Variants in GALNT18 observed in about 807,000 individuals in gnomAD.
The protein encoded by GALNT18 is polypeptide N-acetylgalactosaminyltransferase 18, also known as GalNAc-transferase 18.
GALNT18 carries 44 observed loss-of-function variants against 69.5 expected under a neutral mutation model. That is an observed-to-expected ratio of 0.63 (90% confidence interval 0.50 to 0.81). The LOEUF (loss-of-function observed/expected upper bound fraction) is 0.81. Among genes scored for constraint, GALNT18 ranks in the 40% least tolerant of loss-of-function variants. GALNT18 has a pLI of 0.00. For synonymous variants in GALNT18, 364 were observed against 318.2 expected, an observed-to-expected ratio of 1.14 and a Z score of -1.53; for missense variants, 715 against 810.0, an observed-to-expected ratio of 0.88 and a Z score of 1.42.
At position 11,396,975 on chromosome 11, in the gene GALNT18, GTC is replaced by G. The variant is rs1394436189; in HGVS notation, c.596-17713_596-17712del. ...CTGTGCATCTTGGGGGTCTCTGGGAGTCAGAGGAAACCTAGGAGTCTTTTCCT... is the reference window on the plus strand; with the variant it reads ...CTGTGCATCTTGGGGGTCTCTGGGAGAGAGGAAACCTAGGAGTCTTTTCCT... On this transcript the variant is annotated intron_variant, in intron 3 of 10. Coordinates refer to ENST00000227756, the MANE Select transcript of GALNT18 (RefSeq NM_198516.3). The surrounding 1 kb of genome is among the most constrained non-coding windows in gnomAD (Gnocchi z 5.2). Among the ~76,000 whole-genome samples, 5 of 152,140 alleles carry G rather than the reference GTC, an allele frequency of 3.3e-5. No homozygotes were observed. Among genetic ancestry groups the G allele is most frequent in the Non-Finnish European group, 5.9e-5 (4 of 68,016 alleles).
intron 1 of GALNT18, among the ~76,000 whole-genome samples, chr11:11,484,285 G>A (rs1357575815): frequency 6.6e-6 from 1 of 151,952 alleles, no homozygotes; most frequent in East Asian, 1.9e-4. Flanking sequence ...TGAGCAATTT[G>A]CTTCATTTCA....
intron 10 of GALNT18, among the ~76,000 whole-genome samples, chr11:11,288,249 C>G (rs1468550635): frequency 6.6e-6 from 1 of 152,108 alleles, no homozygotes; most frequent in Non-Finnish European, 1.5e-5. Flanking sequence ...CCTACTTGTC[C>G]CATCAAAAAC....
rs1408563789 is a variant in GALNT18 at position 11,469,512 on chromosome 11, ACTT to A, written c.236-20579_236-20577del. ...TCCCTGGTCCCCTGACCCCTAATTCACTTCTTCTCTAAACCTCACTGGATCTGC... is the reference window on the plus strand; with the variant it reads ...TCCCTGGTCCCCTGACCCCTAATTCACTTCTCTAAACCTCACTGGATCTGC... On this transcript the variant is annotated intron_variant, in intron 1 of 10. Coordinates refer to ENST00000227756, the MANE Select transcript of GALNT18 (RefSeq NM_198516.3). The surrounding 1 kb of genome is among the most constrained non-coding windows in gnomAD (Gnocchi z 4.2). Among the ~76,000 whole-genome samples, 2 of 151,870 alleles carry A rather than the reference ACTT, an allele frequency of 1.3e-5. No homozygotes were observed. The highest frequency in any genetic ancestry group is 2.4e-5 in the African/African-American group (1 of 41,332).
intron 5 of GALNT18, among the ~76,000 whole-genome samples, chr11:11,374,136 T>TGG (rs1401357375): frequency 6.6e-6 from 1 of 152,174 alleles, no homozygotes; most frequent in African/African-American, 2.4e-5. Context: ...GCAGGCATCC[T>TGG]GGGAAGCTAA....
At chr11:11,291,352 C>T (rs2133002177) in intron 10 of GALNT18, among the ~76,000 whole-genome samples, 1 of 152,278 alleles carries the variant, frequency 6.6e-6, no homozygotes, top group East Asian at 1.9e-4. Context: ...TAATGACCAA[C>T]ATGAGCACCT....
chr11:11,277,339 T>G (rs1381633468), intron 10 of GALNT18, among the ~76,000 whole-genome samples: 3 of 152,226 alleles, frequency 2.0e-5, no homozygotes, highest in Non-Finnish European at 4.4e-5. Flanking sequence ...TGTATTTCTG[T>G]GGGATCAGTG....
Position 11,540,603 on chromosome 11 carries a change from C to A in GALNT18, c.235+80756G>T, listed in dbSNP as rs1301121013. 6.6e-6 allele frequency among the ~76,000 whole-genome samples: 1 copy of A among 152,178 alleles called. No homozygotes were observed. Among genetic ancestry groups the A allele is most frequent in the Non-Finnish European group, 1.5e-5 (1 of 68,026 alleles). The stretch of plus-strand genomic sequence containing the variant: ...TTGACCCTGAAAACTGATCCCTGAT[C>A]TTGCCTCTGCGAGTTTCCCTTGGCC... On this transcript the variant is annotated intron_variant, in intron 1 of 10. Transcript: ENST00000227756. The surrounding 1 kb of genome is among the most constrained non-coding windows in gnomAD (Gnocchi z 4.6).
chr11:11,279,128 T>A (rs988363624), intron 10 of GALNT18, among the ~76,000 whole-genome samples: 3 of 152,152 alleles, frequency 2.0e-5, no homozygotes. Flanking sequence ...AGCTGGTCAT[T>A]TAAAAGTGTG....
At position 11,505,136 on chromosome 11, in the gene GALNT18, A is replaced by C. The variant is rs1419527020; in HGVS notation, c.236-56200T>G. Among the ~76,000 whole-genome samples the C allele has an allele frequency of 6.6e-6, 1 of 152,198 alleles. No individual in the cohort carries two copies. On this transcript the variant is annotated intron_variant, in intron 1 of 10. Transcript: ENST00000227756. The surrounding 1 kb of genome is among the most constrained non-coding windows in gnomAD (Gnocchi z 4.6). The stretch of plus-strand genomic sequence containing the variant: ...GATGACATTTGAAGAGGGCTTGAAG[A>C]ATGAGTGGAGTTCAGTAGATGAACA...
At chr11:11,282,234 C>T (rs1343020520) in intron 10 of GALNT18, among the ~76,000 whole-genome samples, 3 of 152,176 alleles carry the variant, frequency 2.0e-5, no homozygotes, top group Admixed American at 6.5e-5. Context: ...GCCTTCCTTT[C>T]CCACACTCAG....
At chr11:11,608,576 T>G (rs1303872889) in intron 1 of GALNT18, among the ~76,000 whole-genome samples, 1 of 152,150 alleles carries the variant, frequency 6.6e-6, no homozygotes, top group Non-Finnish European at 1.5e-5. Context: ...TTGGTCAGGT[T>G]GGTCTCAAAC....
intron 10 of GALNT18, among the ~76,000 whole-genome samples, chr11:11,285,217 A>C (rs917432471): frequency 3.9e-5 from 6 of 152,060 alleles, no homozygotes; most frequent in Non-Finnish European, 8.8e-5. Flanking sequence ...AGGACAAGGG[A>C]CCATGGTATG....
intron 1 of GALNT18, among the ~76,000 whole-genome samples, chr11:11,467,136 C>T (rs900745984): frequency 6.6e-6 from 1 of 152,146 alleles, no homozygotes; most frequent in South Asian, 2.1e-4. Flanking sequence ...AGAAGATAGA[C>T]ATCACCGTGT....
Position 11,293,154 on chromosome 11 carries a change from T to C in GALNT18, c.1552A>G (p.Ile518Val). The C allele has an allele frequency of 7.4e-7, 1 of 1,349,254 alleles. No individual in the cohort carries two copies. Among genetic ancestry groups the C allele is most frequent in the Non-Finnish European group, 9.6e-7 (1 of 1,040,402 alleles). The allele number at this position is 1,349,254 out of a possible 1,614,324, so 83.6% of individuals were successfully genotyped here. ...YTSSQQIHVG[I>V]LSPTVDDDDN... The stretch of plus-strand genomic sequence containing the variant: ...TCATCATCCACGGTGGGGCTCAGAA[T>C]GCCCACATGGATCTGCTGACTGCTC... The change falls in exon 10 of 11, where the codon ATT (isoleucine) becomes GTT (valine). Residue 518 changes from isoleucine to valine, a missense_variant. Coordinates refer to ENST00000227756, the MANE Select transcript of GALNT18 (RefSeq NM_198516.3).
rs539638938 is a variant in GALNT18, at chr11:11,584,055, T to A, written c.235+37304A>T. On this transcript the variant is annotated intron_variant, in intron 1 of 10. Transcript: ENST00000227756. This position sits in a 1 kb window ranked among gnomAD's most constrained non-coding sequence, Gnocchi z 4.1. ...TGAGCTGGGCTGGCTGGAGACAGAT[T>A]TAAGCTTTGAAAACTGTGGTCAAGC... Among the ~76,000 whole-genome samples, 1 of 151,916 alleles carries A rather than the reference T, an allele frequency of 6.6e-6. No individual in the cohort carries two copies. The highest frequency in any genetic ancestry group is 6.6e-5 in the Admixed American group (1 of 15,254).
chr11:11,449,150 T>C (rs1404671157), intron 1 of GALNT18, among the ~76,000 whole-genome samples: 1 of 152,184 alleles, frequency 6.6e-6, no homozygotes, highest in Non-Finnish European at 1.5e-5. Flanking sequence ...GCACAGGAGT[T>C]AGAGAAATAC....
intron 1 of GALNT18, among the ~76,000 whole-genome samples, chr11:11,451,866 T>C (rs1254769028): frequency 6.6e-6 from 1 of 152,236 alleles, no homozygotes; most frequent in East Asian, 1.9e-4. Flanking sequence ...AATAAAGGCC[T>C]GGCTCCTCCA....
At position 11,396,166 on chromosome 11, in the gene GALNT18, G is replaced by T. The variant is rs1382442578; in HGVS notation, c.596-16902C>A. 6.6e-6 allele frequency among the ~76,000 whole-genome samples: 1 copy of T among 152,248 alleles called. No homozygotes were observed. On this transcript the variant is annotated intron_variant, in intron 3 of 10. Transcript: ENST00000227756. This position sits in a 1 kb window ranked among gnomAD's most constrained non-coding sequence, Gnocchi z 5.2. ...GGCAGGAAACCGAGGAACTCGGATA[G>T]CTGTGTGATACATTCATTGCTTTTT... is the stretch of plus-strand genomic sequence containing the variant.
intron 1 of GALNT18, among the ~76,000 whole-genome samples, chr11:11,560,269 A>C (rs111568763): frequency 1.8e-4 from 1 of 5,460 alleles, no homozygotes; most frequent in African/African-American, 5.9e-4. Flanking sequence ...GGATGGAATA[A>C]AATGAGATAT....
Sources: gnomAD v4.1 joint callset for allele counts (sites outside exome capture counted in the v4.1 genomes callset) on GRCh38, gnomAD v4.1.1 for gene constraint, Gnocchi (gnomAD v3.1) non-coding constraint, MANE v1.5 for transcripts, NCBI Gene and HGNC (gene_info 2026-07-23, HGNC 2026-07-21) for gene names.